ERBB4: variants seen among roughly 807,000 people sequenced by gnomAD.
ERBB4 encodes the protein erb-b2 receptor tyrosine kinase 4, also known as receptor tyrosine-protein kinase erbB-4.
Under a neutral mutation model 158.0 loss-of-function variants are expected in ERBB4, and 42 were observed. That is an observed-to-expected ratio of 0.27 (90% CI 0.21 to 0.34). ERBB4 has a LOEUF of 0.34. ERBB4 is among the 10% of genes least tolerant of loss of function. ERBB4 has a pLI of 1.00. For missense variants in ERBB4, 1,333 were observed against 1,624.1 expected, an observed-to-expected ratio of 0.82 and a Z score of 3.08; for synonymous variants, 583 against 558.7, an observed-to-expected ratio of 1.04 and a Z score of -0.61.
At chr2:211,981,439 T>C (rs1264512032) in intron 2 of ERBB4, among the ~76,000 whole-genome samples, 1 of 152,224 alleles carries the variant, frequency 6.6e-6, no homozygotes, top group African/African-American at 2.4e-5. Context: ...AACTCTTTAG[T>C]GGCTGGTTTT....
chr2:212,402,138 T>C (rs1375853012), intron 1 of ERBB4, among the ~76,000 whole-genome samples: 1 of 152,196 alleles, frequency 6.6e-6, no homozygotes, highest in South Asian at 2.1e-4. Context: ...GTGAATGGTT[T>C]AATAAACAGT....
intron 1 of ERBB4, among the ~76,000 whole-genome samples, chr2:212,386,009 G>C (rs933396736): frequency 6.6e-6 from 1 of 151,570 alleles, no homozygotes; most frequent in African/African-American, 2.4e-5. Flanking sequence ...AAGACAATCA[G>C]TCTCTATCTT....
At chr2:211,671,501 C>T (rs1359844329) in intron 14 of ERBB4, among the ~76,000 whole-genome samples, 1 of 152,068 alleles carries the variant, frequency 6.6e-6, no homozygotes, top group African/African-American at 2.4e-5. Flanking sequence ...AGTGCAGTGG[C>T]ACCTGTAGTG....
intron 19 of ERBB4, among the ~76,000 whole-genome samples, chr2:211,574,056 A>C (rs1428757907): frequency 6.6e-6 from 1 of 152,234 alleles, no homozygotes; most frequent in South Asian, 2.1e-4. Flanking sequence ...GATACTTAAA[A>C]TGTTAGCTAT....
intron 3 of ERBB4, among the ~76,000 whole-genome samples, chr2:211,822,944 C>T (rs2077025416): frequency 6.6e-6 from 1 of 151,842 alleles, no homozygotes. Context: ...TAATAGGCAT[C>T]GTGGATTTCT....
chr2:211,885,524 C>T (rs1024182678), intron 3 of ERBB4, among the ~76,000 whole-genome samples: 1 of 151,896 alleles, frequency 6.6e-6, no homozygotes, highest in Non-Finnish European at 1.5e-5. Context: ...GGCATGATCT[C>T]GGCTCACTGC....
chr2:211,924,123 A>G (rs1470300663), intron 3 of ERBB4, among the ~76,000 whole-genome samples: 1 of 152,190 alleles, frequency 6.6e-6, no homozygotes, highest in Non-Finnish European at 1.5e-5. Context: ...GCCATGACTC[A>G]TAATAGGAAA....
At chr2:212,057,891 A>G (rs887609756) in intron 2 of ERBB4, among the ~76,000 whole-genome samples, 3 of 152,206 alleles carry the variant, frequency 2.0e-5, no homozygotes, top group African/African-American at 7.2e-5. Context: ...AAGAGCAAAC[A>G]CATTCAAAAG....
chr2:212,383,057 T>C (rs906455828), intron 1 of ERBB4, among the ~76,000 whole-genome samples: 17 of 151,474 alleles, frequency 1.1e-4, no homozygotes, highest in Non-Finnish European at 1.9e-4. Context: ...ACTTTTTCAA[T>C]TGTTTTTAAG....
intron 20 of ERBB4, among the ~76,000 whole-genome samples, chr2:211,553,378 C>T (rs1018519212): frequency 6.6e-6 from 1 of 152,096 alleles, no homozygotes; most frequent in African/African-American, 2.4e-5. Context: ...TTCCTTGTTC[C>T]AAAGGCAAAA....
chr2:212,116,982 G>C (rs141119012), intron 2 of ERBB4, among the ~76,000 whole-genome samples: 3 of 152,004 alleles, frequency 2.0e-5, no homozygotes, highest in South Asian at 2.1e-4. Flanking sequence ...TGTAATACAA[G>C]TTCCATGATT....
intron 1 of ERBB4, among the ~76,000 whole-genome samples, chr2:212,204,718 A>C (rs982881717): frequency 1.3e-5 from 2 of 151,844 alleles, no homozygotes; most frequent in African/African-American, 4.8e-5. Context: ...ACAAAAAAAA[A>C]AACAGTATTT....
rs931435568 is a variant in ERBB4 at position 211,377,411 on chromosome 2, C to G, written c.*6204G>C. ...TATTTGTATATTTGCACAAATATAA[C>G]CACTTCTCATGATATAGGGAAAGCT... On this transcript the variant is annotated 3_prime_UTR_variant, in exon 28 of 28. Transcript: ENST00000342788. 1.7e-5 allele frequency: 4 copies of G among 232,876 alleles called. No homozygotes were observed. The South Asian group carries it at 5.4e-4, about 32-fold the overall frequency. 14.4% of individuals were successfully genotyped at this position (232,876 alleles called of 1,614,324 possible).
intron 1 of ERBB4, among the ~76,000 whole-genome samples, chr2:212,175,109 T>G (rs1198490808): frequency 6.6e-6 from 1 of 152,072 alleles, no homozygotes; most frequent in East Asian, 1.9e-4. Flanking sequence ...AAAGTCACCA[T>G]ATCATCTCTA....
rs537320227 is a variant in ERBB4 at position 211,722,533 on chromosome 2, G to A, written c.743C>T (p.Ala248Val). The part of the protein sequence containing the change: ...CSGPKDTDCF[A>V]CMNFNDSGAC... ...TCCACTGTCATTGAAATTCATGCAG[G>A]CCTGCAACACAGCAAATATTACTTT... The change falls in exon 7 of 28, where the codon GCC (alanine) becomes GTC (valine). Residue 248 changes from alanine (A) to valine (V), a missense_variant and splice_region_variant. By Grantham distance (64) the Ala-to-Val change is moderately conservative. This residue lies in a region of ERBB4 where 438 missense variants were observed against 586.9 expected (regional missense o/e 0.75). Coordinates refer to ENST00000342788, the MANE Select transcript of ERBB4 (RefSeq NM_005235.3). 8 of 1,613,804 alleles carry A rather than the reference G, an allele frequency of 5.0e-6. No individual in the cohort carries two copies. In the South Asian group the frequency reaches 7.7e-5, roughly 16 times the overall value.
At chr2:212,058,077 C>T (rs545237336) in intron 2 of ERBB4, among the ~76,000 whole-genome samples, 47 of 151,844 alleles carry the variant, frequency 3.1e-4, no homozygotes, top group Non-Finnish European at 4.4e-4. Flanking sequence ...ATCAAATAGA[C>T]GCAGACGCAA....
intron 1 of ERBB4, among the ~76,000 whole-genome samples, chr2:212,336,102 T>C (rs185393655): frequency 1.3e-5 from 2 of 152,104 alleles, no homozygotes; most frequent in East Asian, 3.9e-4. Flanking sequence ...CGGAGGGTCG[T>C]ATTAATGTTC....
At chr2:211,429,337 C>A (rs1275119453) in intron 21 of ERBB4, among the ~76,000 whole-genome samples, 1 of 152,092 alleles carries the variant, frequency 6.6e-6, no homozygotes. Context: ...CGCCTAAAAT[C>A]ATGAATTCCA....
At chr2:211,622,998 T>G (rs1335835793) in intron 18 of ERBB4, among the ~76,000 whole-genome samples, 4 of 6,964 alleles carry the variant, frequency 5.7e-4, no homozygotes, top group African/African-American at 7.7e-4. Flanking sequence ...AAAATATATA[T>G]ATATATATAT....
Sources: gnomAD v4.1 joint callset for allele counts (sites outside exome capture counted in the v4.1 genomes callset) on GRCh38, gnomAD v4.1.1 for gene constraint, gnomAD v4.1.1 regional missense constraint, MANE v1.5 for transcripts, NCBI Gene and HGNC (gene_info 2026-07-23, HGNC 2026-07-21) for gene names.